CACNA2D4: variants seen among roughly 807,000 people sequenced by gnomAD.
CACNA2D4 encodes the protein calcium voltage-gated channel auxiliary subunit alpha2delta 4, also known as voltage-dependent calcium channel subunit alpha-2/delta-4.
CACNA2D4 carries 157 observed loss-of-function variants against 163.8 expected under a neutral mutation model. That is an observed-to-expected ratio of 0.96 (90% CI 0.84 to 1.09). The LOEUF (loss-of-function observed/expected upper bound fraction) is 1.09. Ranked by LOEUF, CACNA2D4 falls within the 50% of genes least tolerant of loss-of-function variation. CACNA2D4 has a pLI of 0.00. For missense variants in CACNA2D4, 1,410 were observed against 1,479.9 expected (o/e 0.95, Z 0.78); for synonymous variants, 598 against 586.9 (o/e 1.02, Z -0.27).
At chr12:1,830,597 G>A (rs1377886291) in intron 26 of CACNA2D4, among the ~76,000 whole-genome samples, 1 of 152,164 alleles carries the variant, frequency 6.6e-6, no homozygotes, top group African/African-American at 2.4e-5. Context: ...AGATGACTGT[G>A]GGAGGCCCTG....
At chr12:1,893,512 C>T (rs888252541) in intron 6 of CACNA2D4, among the ~76,000 whole-genome samples, 5 of 151,980 alleles carry the variant, frequency 3.3e-5, no homozygotes, top group African/African-American at 1.2e-4. Flanking sequence ...AGCAAAACTC[C>T]ATCTCAAAAA....
chr12:1,918,441 G>A lies in CACNA2D4; in HGVS notation c.33C>T (p.Leu11=), dbSNP rs1411621383. The A allele has an allele frequency of 2.5e-6, 4 of 1,580,598 alleles. No homozygotes were observed. The highest frequency in any genetic ancestry group is 1.8e-5 in the Admixed American group (1 of 54,332). Residue 11 remains leucine, a synonymous_variant, in exon 1 of 38, where the codon CTC becomes CTT. Coordinates refer to ENST00000382722, the MANE Select transcript of CACNA2D4 (RefSeq NM_172364.5). ...CAGGCATGGTGGGCCTGGGGTTGGGGAGGGGAAGGAGGGCAGAGCAGCCAC... is the reference window on the plus strand; with the variant it reads ...CAGGCATGGTGGGCCTGGGGTTGGGAAGGGGAAGGAGGGCAGAGCAGCCAC... MVCGCSALLP[L]PNPRPTMPAT...
At chr12:1,882,087 A>T (rs1866016167) in intron 13 of CACNA2D4, among the ~76,000 whole-genome samples, 1 of 152,184 alleles carries the variant, frequency 6.6e-6, no homozygotes, top group Non-Finnish European at 1.5e-5. Context: ...CCTGATGCTT[A>T]AGTGTGGTTT....
At chr12:1,826,096 G>A (rs1260874992) in intron 26 of CACNA2D4, among the ~76,000 whole-genome samples, 1 of 152,114 alleles carries the variant, frequency 6.6e-6, no homozygotes, top group Non-Finnish European at 1.5e-5. Flanking sequence ...GGGGAGGTTG[G>A]TGGGATCGGG....
intron 29 of CACNA2D4, among the ~76,000 whole-genome samples, chr12:1,808,390 C>T (rs928808740): frequency 6.6e-5 from 10 of 152,184 alleles, no homozygotes; most frequent in Non-Finnish European, 1.2e-4. Flanking sequence ...GATAACATCT[C>T]ATGACACGTG....
rs60739615 is a variant in CACNA2D4 at position 1,802,015 on chromosome 12, CTGTGTGTGTGTGTGTGTGTG to C, written c.2722-391_2722-372del. On this transcript the variant is annotated intron_variant, in intron 29 of 37. Coordinates refer to ENST00000382722, the MANE Select transcript of CACNA2D4 (RefSeq NM_172364.5). The surrounding 1 kb of genome is among the most constrained non-coding windows in gnomAD (Gnocchi z 4.7). ...TATGAAACTGGATTTGTTTTATATG[CTGTGTGTGTGTGTGTGTGTG>C]TGTGTGTGTGTGTGTGTGTGTGTGT... 2.4e-4 allele frequency among the ~76,000 whole-genome samples: 35 copies of C among 144,168 alleles called. No individual in the cohort carries two copies. Among genetic ancestry groups the C allele is most frequent in the Middle Eastern group, 3.2e-3 (1 of 308 alleles). The allele number at this position is 144,168 out of a possible 152,430, so 94.6% of individuals were successfully genotyped here. A position where few individuals can be genotyped will look rare whatever the true frequency, so the allele number is the denominator to read the frequency against.
chr12:1,803,903 A>G (rs556231762), intron 29 of CACNA2D4, among the ~76,000 whole-genome samples: 2 of 152,332 alleles, frequency 1.3e-5, no homozygotes, highest in African/African-American at 4.8e-5. Flanking sequence ...AAGGAGTGGC[A>G]ACCTAAAGCC....
In CACNA2D4 at chr12:1,865,191, G is replaced by A. The variant is rs140843366; in HGVS notation, c.1879-4985C>T. Among the ~76,000 whole-genome samples the A allele has an allele frequency of 4.7e-3, 713 of 152,322 alleles. 4 individuals are homozygous for A. Among genetic ancestry groups the A allele is most frequent in the African/African-American group, 0.016 (673 of 41,574 alleles). Reference sequence around the variant, plus strand: ...GGAAGGCGCGTCTTGCTCGTGGCGCGTCTCTCCCTTGCTGAAGCTGCTGTT... The same window carrying A: ...GGAAGGCGCGTCTTGCTCGTGGCGCATCTCTCCCTTGCTGAAGCTGCTGTT... On this transcript the variant is annotated intron_variant, in intron 18 of 37. Coordinates refer to ENST00000382722, the MANE Select transcript of CACNA2D4 (RefSeq NM_172364.5).
chr12:1,888,427 A>C (rs1161535222), intron 6 of CACNA2D4, among the ~76,000 whole-genome samples: 1 of 152,126 alleles, frequency 6.6e-6, no homozygotes, highest in Non-Finnish European at 1.5e-5. Context: ...TAAGGAGCAG[A>C]CCCCTATTAG....
intron 18 of CACNA2D4, among the ~76,000 whole-genome samples, chr12:1,873,046 C>T (rs1444592921): frequency 6.6e-6 from 1 of 152,098 alleles, no homozygotes; most frequent in Non-Finnish European, 1.5e-5. Context: ...AAGTTTTTAG[C>T]CTCTCTGAAT....
chr12:1,900,625 T>C (rs1307632670), intron 6 of CACNA2D4, among the ~76,000 whole-genome samples: 1 of 152,160 alleles, frequency 6.6e-6, no homozygotes, highest in African/African-American at 2.4e-5. Flanking sequence ...TAGATAATGA[T>C]AAACAGGTCA....
chr12:1,886,958 A>T, intron 7 of CACNA2D4, 51 bp downstream of exon 7: 1 of 1,405,848 alleles, frequency 7.1e-7, no homozygotes, highest in Non-Finnish European at 9.9e-7. Flanking sequence ...AAAACCCAAA[A>T]GCTATGAGAT....
At position 1,802,388 on chromosome 12, in the gene CACNA2D4, ACCCT is replaced by A. The variant is rs1276395743; in HGVS notation, c.2722-748_2722-745del. 2.0e-5 allele frequency among the ~76,000 whole-genome samples: 3 copies of A among 151,428 alleles called. No individual in the cohort carries two copies. Among genetic ancestry groups the A allele is most frequent in the African/African-American group, 7.3e-5 (3 of 41,128 alleles). On this transcript the variant is annotated intron_variant, in intron 29 of 37. Coordinates refer to ENST00000382722, the MANE Select transcript of CACNA2D4 (RefSeq NM_172364.5). This position sits in a 1 kb window ranked among gnomAD's most constrained non-coding sequence, Gnocchi z 4.7. ...CTTCATTTCCAAAAAATAAAACAGG[ACCCT>A]CCCTCCTGCCCCCGGCTCCCCTTTT...
chr12:1,868,806 A>C (rs76866930), intron 18 of CACNA2D4, among the ~76,000 whole-genome samples: 7,109 of 152,248 alleles, frequency 0.047, 419 homozygotes, highest in African/African-American at 0.14. Context: ...GTATTCCAGA[A>C]AAAAGGATAG....
In CACNA2D4 at chr12:1,918,333, C is replaced by T; in HGVS notation, c.141G>A (p.Val47=). Residue 47 remains valine, a synonymous_variant, in exon 1 of 38, where the codon GTG becomes GTA. Transcript: ENST00000382722. Reference sequence around the variant, plus strand: ...GCCACAGGAGGGCCGAGGTCTTCTGCACAAAGGCCCAGGCCACGGGCATTG... The same window carrying T: ...GCCACAGGAGGGCCGAGGTCTTCTGTACAAAGGCCCAGGCCACGGGCATTG... The part of the protein sequence containing the change: ...LQPMPVAWAF[V]QKTSALLWLL... 5 of 1,609,274 alleles carry T rather than the reference C, an allele frequency of 3.1e-6. No individual in the cohort carries two copies. The highest frequency in any genetic ancestry group is 2.2e-5 in the East Asian group (1 of 44,716).
In CACNA2D4 at chr12:1,878,779, G is replaced by A. The variant is rs1040728108; in HGVS notation, c.1644+177C>T. Among the ~76,000 whole-genome samples, 5 of 152,246 alleles carry A rather than the reference G, an allele frequency of 3.3e-5. No homozygotes were observed. In the East Asian group the frequency reaches 7.7e-4, roughly 24 times the overall value. ...CAAGTCATAGTTCGTGGTGGGAAAG[G>A]GACCCAGGGGCACCAGTTGCTGCTC... On this transcript the variant is annotated intron_variant, in intron 15 of 37. Transcript: ENST00000382722. The surrounding 1 kb of genome is among the most constrained non-coding windows in gnomAD (Gnocchi z 4.6).
chr12:1,901,375 TA>T (rs1180961882), intron 6 of CACNA2D4, among the ~76,000 whole-genome samples: 1 of 151,378 alleles, frequency 6.6e-6, no homozygotes, highest in East Asian at 1.9e-4. Flanking sequence ...ATTGAAATGA[TA>T]AAAAAACCCA....
chr12:1,909,074 TC>T (rs1310591110), intron 4 of CACNA2D4, among the ~76,000 whole-genome samples: 1 of 151,832 alleles, frequency 6.6e-6, no homozygotes, highest in Non-Finnish European at 1.5e-5. Flanking sequence ...CACCCAAGGC[TC>T]CCCCCACCTC....
chr12:1,814,582 G>C (rs1863817210), intron 26 of CACNA2D4, among the ~76,000 whole-genome samples: 1 of 152,150 alleles, frequency 6.6e-6, no homozygotes, highest in Admixed American at 6.5e-5. Flanking sequence ...GACCCTCCTT[G>C]AGACTTCTCC....
Sources: gnomAD v4.1 joint callset for allele counts (sites outside exome capture counted in the v4.1 genomes callset) on GRCh38, gnomAD v4.1.1 for gene constraint, Gnocchi (gnomAD v3.1) non-coding constraint, MANE v1.5 for transcripts, NCBI Gene and HGNC (gene_info 2026-07-23, HGNC 2026-07-21) for gene names.